LSAMP: variants seen among roughly 807,000 people sequenced by gnomAD.
LSAMP encodes the protein limbic system-associated membrane protein.
LSAMP carries 7 observed loss-of-function variants against 38.6 expected under a neutral mutation model. The observed-to-expected ratio is 0.18, with a 90% CI of 0.10 to 0.34. LSAMP has a LOEUF of 0.34. Among genes scored for constraint, LSAMP ranks in the 10% least tolerant of loss-of-function variants. The pLI, the probability that LSAMP is intolerant of heterozygous loss-of-function variation, is 1.00. For synonymous variants in LSAMP, 154 were observed against 166.8 expected (o/e 0.92, Z 0.59); for missense variants, 313 against 420.0 (o/e 0.75, Z 2.23).
At chr3:116,168,580 T>A (rs1340220324) in intron 1 of LSAMP, among the ~76,000 whole-genome samples, 1 of 152,184 alleles carries the variant, frequency 6.6e-6, no homozygotes, top group Non-Finnish European at 1.5e-5. Flanking sequence ...TCAGCATATA[T>A]CTGCTTCCTA....
chr3:116,262,597 C>T (rs765619223), intron 1 of LSAMP, among the ~76,000 whole-genome samples: 2 of 152,178 alleles, frequency 1.3e-5, no homozygotes, highest in Non-Finnish European at 2.9e-5. Flanking sequence ...ATCAGATACG[C>T]AGCAAGCACT....
intron 3 of LSAMP, among the ~76,000 whole-genome samples, chr3:116,012,409 G>C (rs1165390288): frequency 6.6e-6 from 1 of 151,916 alleles, no homozygotes; most frequent in African/African-American, 2.4e-5. Context: ...AAATAACAAG[G>C]GTTGTAATTC....
intron 3 of LSAMP, among the ~76,000 whole-genome samples, chr3:115,918,697 TAAAG>T (rs1038818271): frequency 2.1e-5 from 3 of 143,296 alleles, no homozygotes; most frequent in Non-Finnish European, 3.0e-5. Flanking sequence ...GACAAAATCT[TAAAG>T]AACAGGTTTT....
At chr3:116,211,945 G>A (rs934183760) in intron 1 of LSAMP, among the ~76,000 whole-genome samples, 2 of 152,148 alleles carry the variant, frequency 1.3e-5, no homozygotes, top group Non-Finnish European at 2.9e-5. Context: ...AAGCTTCCAT[G>A]GGGAAGCTTG....
intron 1 of LSAMP, among the ~76,000 whole-genome samples, chr3:116,367,301 G>A (rs1016165417): frequency 2.6e-5 from 4 of 151,834 alleles, no homozygotes; most frequent in African/African-American, 7.3e-5. Flanking sequence ...CCTAGTGAAA[G>A]GTAAAAAGAG....
intron 3 of LSAMP, among the ~76,000 whole-genome samples, chr3:115,964,319 T>C (rs912644170): frequency 6.6e-6 from 1 of 152,164 alleles, no homozygotes; most frequent in African/African-American, 2.4e-5. Context: ...TGATGATTAA[T>C]CAATTAATAT....
At chr3:116,251,567 A>G (rs1351068808) in intron 1 of LSAMP, among the ~76,000 whole-genome samples, 1 of 152,218 alleles carries the variant, frequency 6.6e-6, no homozygotes, top group African/African-American at 2.4e-5. Flanking sequence ...CATTCCTTTT[A>G]TGTCAAGACT....
intron 2 of LSAMP, among the ~76,000 whole-genome samples, chr3:116,047,607 T>G (rs1941317486): frequency 6.6e-6 from 1 of 152,142 alleles, no homozygotes; most frequent in Non-Finnish European, 1.5e-5. Context: ...TTTGCCTCCT[T>G]GGACAACTCT....
chr3:116,166,026 G>A (rs1559766990), intron 1 of LSAMP, among the ~76,000 whole-genome samples: 1 of 152,144 alleles, frequency 6.6e-6, no homozygotes, highest in African/African-American at 2.4e-5. Context: ...TGTTGCAATA[G>A]AGAATGCTAA....
At chr3:115,822,391 G>A (rs576646795) in intron 6 of LSAMP, among the ~76,000 whole-genome samples, 5 of 106,360 alleles carry the variant, frequency 4.7e-5, no homozygotes, top group South Asian at 2.8e-4. Flanking sequence ...ACAGAGTTTC[G>A]CTCTTTTTGC....
chr3:116,317,640 C>G (rs2047650218), intron 1 of LSAMP, among the ~76,000 whole-genome samples: 1 of 151,558 alleles, frequency 6.6e-6, no homozygotes, highest in South Asian at 2.1e-4. Flanking sequence ...CAGGCGTGAG[C>G]CCCCGCGCCC....
At chr3:116,083,882 A>G (rs1707928000) in intron 2 of LSAMP, among the ~76,000 whole-genome samples, 1 of 152,206 alleles carries the variant, frequency 6.6e-6, no homozygotes, top group Non-Finnish European at 1.5e-5. Context: ...TGATTCAGCC[A>G]TCTGGTGCTT....
chr3:115,895,563 T>G (rs1191057847), intron 3 of LSAMP, among the ~76,000 whole-genome samples: 1 of 152,084 alleles, frequency 6.6e-6, no homozygotes, highest in African/African-American at 2.4e-5. Flanking sequence ...ATAAGACCCC[T>G]TTGCTGGAAG....
At chr3:116,427,109 C>CTTT (rs758726064) in intron 1 of LSAMP, among the ~76,000 whole-genome samples, 108 of 95,152 alleles carry the variant, frequency 1.1e-3, no homozygotes, top group Non-Finnish European at 1.4e-3. Context: ...CTCTTTCTTT[C>CTTT]TTTTTTTTTT....
At chr3:116,209,550 G>A (rs1219676891) in intron 1 of LSAMP, among the ~76,000 whole-genome samples, 1 of 152,094 alleles carries the variant, frequency 6.6e-6, no homozygotes, top group Non-Finnish European at 1.5e-5. Flanking sequence ...AAATTGATAT[G>A]TTTTGTGTAC....
chr3:116,405,334 T>C (rs1050955503), intron 1 of LSAMP, among the ~76,000 whole-genome samples: 1 of 152,058 alleles, frequency 6.6e-6, no homozygotes, highest in African/African-American at 2.4e-5. Flanking sequence ...TGCTAAATTA[T>C]TTCTATGAGG....
intron 1 of LSAMP, among the ~76,000 whole-genome samples, chr3:116,197,969 C>T (rs1325998438): frequency 6.6e-6 from 1 of 151,914 alleles, no homozygotes; most frequent in Non-Finnish European, 1.5e-5. Context: ...CAAAGAAAGG[C>T]AGGTAGGTTA....
intron 1 of LSAMP, among the ~76,000 whole-genome samples, chr3:116,304,677 C>CAGTT (rs1158609041): frequency 2.6e-5 from 4 of 152,048 alleles, no homozygotes; most frequent in African/African-American, 9.7e-5. Context: ...TCTCTAGCAG[C>CAGTT]AGTTAGGGAA....
rs1933768410 is a variant in LSAMP, at chr3:115,810,115, A to T, written c.*202T>A. 1.9e-6 allele frequency: 1 copy of T among 540,038 alleles called. No homozygotes were observed. Among genetic ancestry groups the T allele is most frequent in the African/African-American group, 1.9e-5 (1 of 52,420 alleles). The allele number at this position is 540,038 out of a possible 1,614,324, so 33.5% of individuals were successfully genotyped here. A position where few individuals can be genotyped will look rare whatever the true frequency, so the allele number is the denominator to read the frequency against. On this transcript the variant is annotated 3_prime_UTR_variant, in exon 7 of 7. Coordinates refer to ENST00000490035, the MANE Select transcript of LSAMP (RefSeq NM_002338.5). ...CATCCTGAATGATACATAAATTTTTAATGATGGACTGTAAAATTGTTTTAA... is the reference window on the plus strand; with the variant it reads ...CATCCTGAATGATACATAAATTTTTTATGATGGACTGTAAAATTGTTTTAA...
Sources: allele counts gnomAD v4.1 joint callset (sites outside exome capture counted in the v4.1 genomes callset), GRCh38; gene constraint gnomAD v4.1.1; transcripts MANE v1.5; gene names NCBI Gene and HGNC (gene_info 2026-07-23, HGNC 2026-07-21).